GABRG3: variants seen among roughly 807,000 people sequenced by gnomAD.
GABRG3 encodes gamma-aminobutyric acid type A receptor subunit gamma3, also known as gamma-aminobutyric acid receptor subunit gamma-3.
GABRG3 carries 25 observed loss-of-function variants against 48.8 expected under a neutral mutation model. The observed-to-expected ratio is 0.51, with a 90% CI of 0.37 to 0.72. The LOEUF (loss-of-function observed/expected upper bound fraction) is 0.72. Among genes scored for constraint, GABRG3 ranks in the 30% least tolerant of loss-of-function variants. The probability of loss-of-function intolerance (pLI) is 0.00; values close to 1 mark genes in which losing one functional copy is unlikely to be tolerated. For missense variants in GABRG3, 394 were observed against 577.9 expected (o/e 0.68, Z 3.26); for synonymous variants, 227 against 217.6 (o/e 1.04, Z -0.38).
intron 3 of GABRG3, among the ~76,000 whole-genome samples, chr15:27,043,493 A>G (rs761412188): frequency 1.1e-4 from 17 of 152,284 alleles, no homozygotes; most frequent in Non-Finnish European, 1.9e-4. Context: ...CTGAGCTGGT[A>G]TCATAGGAAG....
At chr15:27,244,074 C>T (rs1890206028) in intron 3 of GABRG3, among the ~76,000 whole-genome samples, 1 of 152,094 alleles carries the variant, frequency 6.6e-6, no homozygotes, top group Non-Finnish European at 1.5e-5. Flanking sequence ...AGATGAAGAG[C>T]ATATGGATGT....
At chr15:27,145,420 A>C (rs756409405) in intron 3 of GABRG3, among the ~76,000 whole-genome samples, 7 of 152,162 alleles carry the variant, frequency 4.6e-5, no homozygotes, top group Non-Finnish European at 1.0e-4. Flanking sequence ...AATTCACTAA[A>C]GGTACTCAAC....
chr15:27,009,763 G>A (rs539113691), intron 2 of GABRG3, among the ~76,000 whole-genome samples: 1 of 152,292 alleles, frequency 6.6e-6, no homozygotes, highest in East Asian at 1.9e-4. Context: ...TCACACATAT[G>A]CCCCAGCACA....
intron 3 of GABRG3, among the ~76,000 whole-genome samples, chr15:27,289,872 A>G (rs910908615): frequency 3.9e-5 from 6 of 152,216 alleles, no homozygotes; most frequent in African/African-American, 1.4e-4. Context: ...TACGTGGACT[A>G]ATACACACAC....
chr15:27,300,144 C>T (rs1400559624), intron 3 of GABRG3, among the ~76,000 whole-genome samples: 1 of 152,106 alleles, frequency 6.6e-6, no homozygotes, highest in African/African-American at 2.4e-5. Flanking sequence ...TGAACCAGAT[C>T]AGTTAGTTGT....
intron 3 of GABRG3, among the ~76,000 whole-genome samples, chr15:27,297,191 T>C: frequency 6.6e-6 from 1 of 152,186 alleles, no homozygotes; most frequent in East Asian, 1.9e-4. Flanking sequence ...AAGCTAGATA[T>C]AACAAAAGAG....
intron 3 of GABRG3, among the ~76,000 whole-genome samples, chr15:27,030,422 C>T (rs1013959482): frequency 6.6e-6 from 1 of 152,164 alleles, no homozygotes; most frequent in Non-Finnish European, 1.5e-5. Context: ...AATAGATTAT[C>T]TTTGTCTTGT....
At chr15:26,992,177 C>T (rs1895261870) in intron 2 of GABRG3, among the ~76,000 whole-genome samples, 1 of 152,144 alleles carries the variant, frequency 6.6e-6, no homozygotes, top group South Asian at 2.1e-4. Context: ...CATCTTTACA[C>T]CAGGATAATT....
rs192690556 is a variant in GABRG3 at position 27,489,093 on chromosome 15, T to A, written c.712+8306T>A. 4.6e-5 allele frequency among the ~76,000 whole-genome samples: 7 copies of A among 152,118 alleles called. No individual in the cohort carries two copies. In the East Asian group the frequency reaches 1.4e-3, roughly 30 times the overall value. On this transcript the variant is annotated intron_variant, in intron 6 of 9. Coordinates refer to ENST00000615808, the MANE Select transcript of GABRG3 (RefSeq NM_033223.5). The stretch of plus-strand genomic sequence containing the variant: ...CCGCCCTGAGTCCATGTGTTCTCAT[T>A]GTTCAACTCCCACTTATGAGTGAGA...
intron 3 of GABRG3, among the ~76,000 whole-genome samples, chr15:27,152,861 A>ATT (rs1187163963): frequency 3.2e-4 from 44 of 139,024 alleles, no homozygotes; most frequent in Non-Finnish European, 3.9e-4. Context: ...TTTCGAGTTA[A>ATT]TTTTTTTTTT....
At position 27,538,586 on chromosome 15, in the gene GABRG3, G is replaced by A. The variant is rs180830016; in HGVS notation, c.*5705G>A. The A allele has an allele frequency of 6.6e-6, 1 of 152,340 alleles. No homozygotes were observed. Among genetic ancestry groups the A allele is most frequent in the East Asian group, 1.9e-4 (1 of 5,180 alleles). The allele number at this position is 152,340 out of a possible 1,614,324, so 9.4% of individuals were successfully genotyped here. ...CAGTGAGCAGGCTACACAATGTGAG[G>A]ATGATAATGGTTCCTGCAGGGAAGC... On this transcript the variant is annotated 3_prime_UTR_variant, in exon 10 of 10. Coordinates refer to ENST00000615808, the MANE Select transcript of GABRG3 (RefSeq NM_033223.5).
At chr15:27,368,368 G>A (rs150455135) in intron 5 of GABRG3, among the ~76,000 whole-genome samples, 1 of 152,344 alleles carries the variant, frequency 6.6e-6, no homozygotes, top group Non-Finnish European at 1.5e-5. Context: ...GGTCAAAACT[G>A]TTGCAGGGTA....
At chr15:27,112,402 C>T (rs1356188038) in intron 3 of GABRG3, among the ~76,000 whole-genome samples, 1 of 151,682 alleles carries the variant, frequency 6.6e-6, no homozygotes, top group Non-Finnish European at 1.5e-5. Context: ...TTTTTATTTT[C>T]CCCTTAACCC....
intron 2 of GABRG3, among the ~76,000 whole-genome samples, chr15:26,989,931 T>A (rs1895217330): frequency 6.6e-6 from 1 of 152,214 alleles, no homozygotes; most frequent in Non-Finnish European, 1.5e-5. Context: ...TCCAGTTCTA[T>A]CTATGGCATT....
intron 6 of GABRG3, among the ~76,000 whole-genome samples, chr15:27,484,013 C>T (rs1229514169): frequency 6.6e-6 from 1 of 152,132 alleles, no homozygotes; most frequent in African/African-American, 2.4e-5. Flanking sequence ...CGACTCACTG[C>T]GACCTCCACT....
chr15:27,158,116 G>A (rs1316154764), intron 3 of GABRG3: 1 of 152,008 alleles, frequency 6.6e-6, no homozygotes, highest in African/African-American at 2.4e-5. Context: ...GTTTTCAGGT[G>A]GGAGGAACTT....
chr15:27,307,253 T>TAG (rs1396638831), intron 3 of GABRG3, among the ~76,000 whole-genome samples: 3 of 86,838 alleles, frequency 3.5e-5, no homozygotes, highest in African/African-American at 4.1e-5. Flanking sequence ...TATATAACCA[T>TAG]GTTCATATTA....
rs1888628400 is a variant in GABRG3 at position 27,199,998 on chromosome 15, T to C, written c.271-126811T>C. Among the ~76,000 whole-genome samples the C allele has an allele frequency of 2.6e-5, 4 of 152,008 alleles. No individual in the cohort carries two copies. In the South Asian group the frequency reaches 8.3e-4, roughly 32 times the overall value. On this transcript the variant is annotated intron_variant, in intron 3 of 9. Coordinates refer to ENST00000615808, the MANE Select transcript of GABRG3 (RefSeq NM_033223.5). ...CTTCCTTCCTCCCTCTACTCCTCTC[T>C]TCCTAGCTTTCTCCTTTCCTTCCTC...
At chr15:27,046,629 C>T (rs116863955) in intron 3 of GABRG3, among the ~76,000 whole-genome samples, 1 of 152,346 alleles carries the variant, frequency 6.6e-6, no homozygotes, top group East Asian at 1.9e-4. Flanking sequence ...ACTTCTGTTG[C>T]TCTGTCATGT....
Sources: gnomAD v4.1 joint callset for allele counts (sites outside exome capture counted in the v4.1 genomes callset) on GRCh38, gnomAD v4.1.1 for gene constraint, MANE v1.5 for transcripts, NCBI Gene and HGNC (gene_info 2026-07-23, HGNC 2026-07-21) for gene names.